The following RGS22 variants were observed in gnomAD, a reference collection of about 807,000 sequenced individuals.
RGS22 encodes regulator of G protein signaling 22, also known as regulator of G-protein signaling 22.
Under a neutral mutation model 172.9 loss-of-function variants are expected in RGS22, and 148 were observed. That is an observed-to-expected ratio of 0.86 (90% confidence interval 0.75 to 0.98). RGS22 has a LOEUF of 0.98. RGS22 is among the 50% of genes least tolerant of loss of function. The probability of loss-of-function intolerance (pLI) is 0.00; values close to 1 mark genes in which losing one functional copy is unlikely to be tolerated. For synonymous variants in RGS22, 458 were observed against 480.2 expected (o/e 0.95, Z 0.60); for missense variants, 1,347 against 1,440.8 (o/e 0.93, Z 1.05).
intron 10 of RGS22, among the ~76,000 whole-genome samples, chr8:100,049,864 T>C (rs1398836617): frequency 6.6e-6 from 1 of 151,904 alleles, no homozygotes; most frequent in Non-Finnish European, 1.5e-5. Flanking sequence ...CTGGCCAACA[T>C]GGTGAAATCC....
chr8:100,021,114 GAAAT>G (rs1817557838), intron 14 of RGS22, among the ~76,000 whole-genome samples: 1 of 152,114 alleles, frequency 6.6e-6, no homozygotes, highest in Non-Finnish European at 1.5e-5. Context: ...TAAAGAAAGA[GAAAT>G]AAAGTAGGAA....
At chr8:99,972,621 C>T (rs1811486174) in intron 23 of RGS22, among the ~76,000 whole-genome samples, 1 of 152,230 alleles carries the variant, frequency 6.6e-6, no homozygotes, top group South Asian at 2.1e-4. Flanking sequence ...CAAAAGAAGA[C>T]ATTTATGTGG....
chr8:100,063,397 A>G lies in RGS22; in HGVS notation c.1352+19T>C. On this transcript the variant is annotated intron_variant, in intron 8 of 27. Coordinates refer to ENST00000360863, the MANE Select transcript of RGS22 (RefSeq NM_015668.5). ...TAATTTGTTTTTAAAACTATTGAAAAATAAAAAAATAGAATTACCTTTGAT... is the reference window on the plus strand; with the variant it reads ...TAATTTGTTTTTAAAACTATTGAAAGATAAAAAAATAGAATTACCTTTGAT... 1 of 1,483,480 alleles carries G rather than the reference A, an allele frequency of 6.7e-7. No individual in the cohort carries two copies. Among genetic ancestry groups the G allele is most frequent in the Non-Finnish European group, 9.0e-7 (1 of 1,110,860 alleles). 91.9% of individuals were successfully genotyped at this position (1,483,480 alleles called of 1,614,324 possible). A position where few individuals can be genotyped will look rare whatever the true frequency, so the allele number is the denominator to read the frequency against.
intron 25 of RGS22, 31 bp from the exon 26 acceptor site, chr8:99,962,798 A>G (rs1810353524): frequency 6.3e-7 from 1 of 1,589,688 alleles, no homozygotes; most frequent in Non-Finnish European, 8.5e-7. Context: ...TAAGAAAAAC[A>G]GTAAAGTAAA....
rs1810323512 is a variant in RGS22 at position 99,962,597 on chromosome 8, C to T, written c.3790+90G>A. On this transcript the variant is annotated intron_variant, in intron 26 of 27. Coordinates refer to ENST00000360863, the MANE Select transcript of RGS22 (RefSeq NM_015668.5). ...GTGGAGGGGTCGGTCCTCACCCCTT[C>T]CTCCCTGTACATTCTGAATGGCCAG... The T allele has an allele frequency of 4.2e-6, 6 of 1,429,246 alleles. No homozygotes were observed. In the Admixed American group the frequency reaches 9.7e-5, roughly 23 times the overall value. The allele number at this position is 1,429,246 out of a possible 1,614,324, so 88.5% of individuals were successfully genotyped here. A position where few individuals can be genotyped will look rare whatever the true frequency, so the allele number is the denominator to read the frequency against.
At chr8:100,096,398 T>C (rs181913686) in intron 2 of RGS22, among the ~76,000 whole-genome samples, 4 of 152,318 alleles carry the variant, frequency 2.6e-5, no homozygotes, top group Non-Finnish European at 4.4e-5. Context: ...TTCTTCAGAA[T>C]TGAATGTACT....
intron 14 of RGS22, among the ~76,000 whole-genome samples, chr8:100,026,241 A>T (rs1818160716): frequency 6.6e-6 from 1 of 152,216 alleles, no homozygotes; most frequent in South Asian, 2.1e-4. Flanking sequence ...CATCATTTGG[A>T]TCTACACTGT....
At chr8:100,088,427 A>G (rs1264626707) in intron 3 of RGS22, among the ~76,000 whole-genome samples, 1 of 152,132 alleles carries the variant, frequency 6.6e-6, no homozygotes, top group Non-Finnish European at 1.5e-5. Context: ...TAAAACACAC[A>G]AAACAAAGCC....
chr8:100,016,975 AGTCTTTT>A, intron 14 of RGS22, among the ~76,000 whole-genome samples: 1 of 99,022 alleles, frequency 1.0e-5, no homozygotes, highest in Non-Finnish European at 1.9e-5. Context: ...ATTCCTTACC[AGTCTTTT>A]TTTTTTTTTT....
chr8:99,971,778 T>C (rs1811382371), intron 23 of RGS22, among the ~76,000 whole-genome samples: 1 of 152,136 alleles, frequency 6.6e-6, no homozygotes. Flanking sequence ...GAAGAATCAG[T>C]ATCGTGGGAT....
intron 10 of RGS22, among the ~76,000 whole-genome samples, chr8:100,049,602 G>A (rs368839341): frequency 6.6e-6 from 1 of 152,114 alleles, no homozygotes; most frequent in South Asian, 2.1e-4. Flanking sequence ...GCTTAATAAC[G>A]TTGTTTGTAC....
intron 4 of RGS22, among the ~76,000 whole-genome samples, chr8:100,079,922 A>T (rs1169150773): frequency 6.6e-6 from 1 of 152,212 alleles, no homozygotes; most frequent in Non-Finnish European, 1.5e-5. Context: ...TTCAAGGTAA[A>T]TTATATGAAT....
intron 12 of RGS22, among the ~76,000 whole-genome samples, chr8:100,040,713 T>C (rs1214575118): frequency 6.6e-6 from 1 of 152,192 alleles, no homozygotes; most frequent in Non-Finnish European, 1.5e-5. Context: ...CAGGAGTGAC[T>C]TCAGAATATG....
chr8:100,075,909 T>C (rs1811315146), intron 4 of RGS22, among the ~76,000 whole-genome samples: 2 of 152,188 alleles, frequency 1.3e-5, no homozygotes, highest in Admixed American at 1.3e-4. Context: ...CCTTTTTTTT[T>C]TAATCATAGC....
chr8:100,042,049 A>G, intron 11 of RGS22, 133 bp from the exon 12 acceptor site: 5 of 565,342 alleles, frequency 8.8e-6, no homozygotes, highest in Non-Finnish European at 1.3e-5. Context: ...CAGGAAAAAA[A>G]GGATAAACAT....
At chr8:100,030,918 G>A (rs979430667) in intron 14 of RGS22, among the ~76,000 whole-genome samples, 7 of 151,874 alleles carry the variant, frequency 4.6e-5, no homozygotes, top group African/African-American at 1.5e-4. Context: ...CTACTAGGAG[G>A]GTAAAAGCCG....
chr8:100,060,123 G>C (rs572429681), intron 9 of RGS22, among the ~76,000 whole-genome samples: 1 of 151,934 alleles, frequency 6.6e-6, no homozygotes, highest in Non-Finnish European at 1.5e-5. Flanking sequence ...ACAATTCACC[G>C]ATCTTCAAAT....
chr8:100,055,083 C>T (rs545565062), intron 9 of RGS22, among the ~76,000 whole-genome samples: 1 of 152,304 alleles, frequency 6.6e-6, no homozygotes, highest in African/African-American at 2.4e-5. Flanking sequence ...GGGAACTTGC[C>T]ACCCTGAAGG....
chr8:99,973,901 C>A (rs1009881808), intron 23 of RGS22, among the ~76,000 whole-genome samples: 30 of 151,370 alleles, frequency 2.0e-4, no homozygotes, highest in African/African-American at 7.3e-4. Flanking sequence ...ACCCAAAAAC[C>A]CAGATGATGG....
Sources: gnomAD v4.1 joint callset for allele counts (sites outside exome capture counted in the v4.1 genomes callset) on GRCh38, gnomAD v4.1.1 for gene constraint, MANE v1.5 for transcripts, NCBI Gene and HGNC (gene_info 2026-07-23, HGNC 2026-07-21) for gene names.